The following CACNA1B variants were observed in gnomAD, a reference collection of about 807,000 sequenced individuals.
The protein encoded by CACNA1B is calcium voltage-gated channel subunit alpha1 B.
A neutral mutation model predicts 247.2 loss-of-function variants in CACNA1B; 70 were observed. That is an observed-to-expected ratio of 0.28 (90% CI 0.23 to 0.35). The LOEUF (loss-of-function observed/expected upper bound fraction) is 0.35, where lower values mean the gene tolerates loss of function less well. Among genes scored for constraint, CACNA1B ranks in the 10% least tolerant of loss-of-function variants. CACNA1B has a pLI of 1.00. For missense variants in CACNA1B, 2,367 were observed against 3,197.4 expected (o/e 0.74, Z 6.26); for synonymous variants, 1,231 against 1,294.4 (o/e 0.95, Z 1.05).
chr9:138,058,076 C>T lies in CACNA1B; in HGVS notation c.4134C>T (p.Thr1378=), dbSNP rs2133503692. The T allele has an allele frequency of 6.2e-7, 1 of 1,613,932 alleles. No individual in the cohort carries two copies. The highest frequency in any genetic ancestry group is 8.5e-7 in the Non-Finnish European group (1 of 1,179,782). The change falls in exon 28 of 47, where the codon ACC becomes ACT. Residue 1378 remains threonine (T), a synonymous_variant. Transcript: ENST00000371372. This position sits in a 1 kb window ranked among gnomAD's most constrained non-coding sequence, Gnocchi z 4.7. The part of the protein sequence containing the change: ...PMVLKHSVDA[T]YEEQGPSPGY... ...TGCTGAAACACTCCGTGGATGCCAC[C>T]TATGAGGAGCAGGGTCCAAGCCCTG...
intron 15 of CACNA1B, among the ~76,000 whole-genome samples, chr9:138,005,501 C>T (rs1307619768): frequency 6.6e-6 from 1 of 152,126 alleles, no homozygotes; most frequent in Non-Finnish European, 1.5e-5. Flanking sequence ...TTAAGGGGTA[C>T]AAACACAGTT....
intron 6 of CACNA1B, among the ~76,000 whole-genome samples, chr9:137,927,216 G>C (rs1957561037): frequency 6.7e-6 from 1 of 150,152 alleles, no homozygotes; most frequent in Admixed American, 6.7e-5. Flanking sequence ...TTTGTATATG[G>C]TGTTAGATAA....
At chr9:137,904,831 T>C (rs1464186591) in intron 3 of CACNA1B, among the ~76,000 whole-genome samples, 1 of 152,194 alleles carries the variant, frequency 6.6e-6, no homozygotes, top group African/African-American at 2.4e-5. Context: ...CCTTATTTCC[T>C]ATTCATGTCC....
At position 137,888,316 on chromosome 9, in the gene CACNA1B, C is replaced by T. The variant is rs7037990; in HGVS notation, c.530+5433C>T. Among the ~76,000 whole-genome samples, 28 of 152,014 alleles carry T rather than the reference C, an allele frequency of 1.8e-4. No individual in the cohort carries two copies. The highest frequency in any genetic ancestry group is 4.8e-4 in the African/African-American group (20 of 41,502). ...CCCCAGCCAGTCTCACGTGCATCCACGCTCCCAGTCCTGTCCCCACGTCAC... is the reference window on the plus strand; with the variant it reads ...CCCCAGCCAGTCTCACGTGCATCCATGCTCCCAGTCCTGTCCCCACGTCAC... On this transcript the variant is annotated intron_variant, in intron 3 of 46. Coordinates refer to ENST00000371372, the MANE Select transcript of CACNA1B (RefSeq NM_000718.4). This position sits in a 1 kb window ranked among gnomAD's most constrained non-coding sequence, Gnocchi z 4.7.
intron 6 of CACNA1B, among the ~76,000 whole-genome samples, chr9:137,933,545 T>C (rs1214599458): frequency 6.6e-6 from 1 of 152,226 alleles, no homozygotes; most frequent in Non-Finnish European, 1.5e-5. Flanking sequence ...TTGTAACCCT[T>C]GTCATTTCCA....
At position 138,075,815 on chromosome 9, in the gene CACNA1B, G is replaced by A. The variant is rs150383253; in HGVS notation, c.4858-4G>A. 5.1e-4 allele frequency: 815 copies of A among 1,597,910 alleles called. 12 individuals carry two copies. The East Asian group carries it at 0.018, about 35-fold the overall frequency. On this transcript the variant is annotated splice_region_variant and splice_polypyrimidine_tract_variant and intron_variant, in intron 34 of 46. Coordinates refer to ENST00000371372, the MANE Select transcript of CACNA1B (RefSeq NM_000718.4). ...GTCCGTGCCATTGCTCTTCTCCATTGCAGGTGTTTGGGAATATTGCCCTGG... is the reference window on the plus strand; with the variant it reads ...GTCCGTGCCATTGCTCTTCTCCATTACAGGTGTTTGGGAATATTGCCCTGG...
chr9:138,105,926 G>A (rs1200483158), intron 39 of CACNA1B, 119 bp downstream of exon 39: 2 of 652,284 alleles, frequency 3.1e-6, no homozygotes, highest in Non-Finnish European at 5.5e-6. Context: ...TGTCTGGAGG[G>A]GTCTGAGGAC....
intron 6 of CACNA1B, among the ~76,000 whole-genome samples, chr9:137,929,841 A>G (rs912707252): frequency 4.0e-5 from 6 of 151,898 alleles, no homozygotes; most frequent in African/African-American, 1.2e-4. Flanking sequence ...TTTTGTAGAG[A>G]TGAGGTCTTC....
rs907954672 is a variant in CACNA1B at position 137,899,757 on chromosome 9, T to C, written c.531-13423T>C. On this transcript the variant is annotated intron_variant, in intron 3 of 46. Coordinates refer to ENST00000371372, the MANE Select transcript of CACNA1B (RefSeq NM_000718.4). This position sits in a 1 kb window ranked among gnomAD's most constrained non-coding sequence, Gnocchi z 5.0. ...GCCTCCCCTGCCAGCTTGGCTCCCA[T>C]GTAGAACCAGCCTGAGAGTAGTAAG... Among the ~76,000 whole-genome samples, 2 of 152,120 alleles carry C rather than the reference T, an allele frequency of 1.3e-5. No homozygotes were observed. The highest frequency in any genetic ancestry group is 6.5e-5 in the Admixed American group (1 of 15,282).
At chr9:138,093,333 G>A (rs1373152967) in intron 36 of CACNA1B, among the ~76,000 whole-genome samples, 6 of 142,520 alleles carry the variant, frequency 4.2e-5, no homozygotes, top group East Asian at 2.2e-4. Flanking sequence ...CATGAGAATC[G>A]CTTGAACCCA....
chr9:138,019,888 A>C (rs1958821846), intron 18 of CACNA1B, among the ~76,000 whole-genome samples: 1 of 152,044 alleles, frequency 6.6e-6, no homozygotes, highest in African/African-American at 2.4e-5. Context: ...CCCTGAGCTC[A>C]GGAGTTCGAG....
chr9:137,996,877 A>G (rs1958507379), intron 15 of CACNA1B, among the ~76,000 whole-genome samples: 1 of 152,212 alleles, frequency 6.6e-6, no homozygotes, highest in Non-Finnish European at 1.5e-5. Context: ...AGAAAAATAC[A>G]GATCACTTCT....
At chr9:138,091,638 A>G (rs1487557216) in intron 36 of CACNA1B, among the ~76,000 whole-genome samples, 1 of 152,234 alleles carries the variant, frequency 6.6e-6, no homozygotes, top group Non-Finnish European at 1.5e-5. Flanking sequence ...ATTTGTATAC[A>G]TGTATCAAAA....
Position 138,068,922 on chromosome 9 carries a change from C to T in CACNA1B, c.4669-836C>T, listed in dbSNP as rs188034752. ...CAGGCAGCCAGACTGACCCACACTC[C>T]GTCCCTCAGCTGCGAGACAGTCGAG... On this transcript the variant is annotated intron_variant, in intron 31 of 46. Coordinates refer to ENST00000371372, the MANE Select transcript of CACNA1B (RefSeq NM_000718.4). Among the ~76,000 whole-genome samples the T allele has an allele frequency of 3.7e-4, 56 of 152,342 alleles. No individual in the cohort carries two copies. The Middle Eastern group carries it at 0.014, about 37-fold the overall frequency.
chr9:138,098,694 G>A (rs1314111754), intron 37 of CACNA1B, among the ~76,000 whole-genome samples: 2 of 152,166 alleles, frequency 1.3e-5, no homozygotes, highest in African/African-American at 4.8e-5. Flanking sequence ...CAGAGCAGGG[G>A]TCCTTAGAAG....
chr9:137,958,697 T>C (rs1957977328), intron 10 of CACNA1B, among the ~76,000 whole-genome samples: 1 of 152,206 alleles, frequency 6.6e-6, no homozygotes, highest in African/African-American at 2.4e-5. Context: ...GAGCAGGTGC[T>C]GAGGGTAAGG....
chr9:138,049,271 G>T lies in CACNA1B; in HGVS notation c.3666G>T (p.Leu1222=). Residue 1222 remains leucine, a synonymous_variant, in exon 24 of 47, where the codon CTG becomes CTT. Coordinates refer to ENST00000371372, the MANE Select transcript of CACNA1B (RefSeq NM_000718.4). The stretch of plus-strand genomic sequence containing the variant: ...ATTTCCGGGACTTGTGGAACATTCT[G>T]GACTTCATTGTGGTCAGTGGCGCCC... ...GAYFRDLWNI[L]DFIVVSGALV... 6.2e-7 allele frequency: 1 copy of T among 1,613,696 alleles called. No homozygotes were observed. The highest frequency in any genetic ancestry group is 1.3e-5 in the African/African-American group (1 of 75,054).
Position 138,059,375 on chromosome 9 carries a change from C to A in CACNA1B, c.4584+186C>A, listed in dbSNP as rs977392219. 2.0e-5 allele frequency among the ~76,000 whole-genome samples: 3 copies of A among 152,158 alleles called. No homozygotes were observed. The highest frequency in any genetic ancestry group is 2.0e-4 in the Admixed American group (3 of 15,288). On this transcript the variant is annotated intron_variant, in intron 30 of 46. Transcript: ENST00000371372. The surrounding 1 kb of genome is among the most constrained non-coding windows in gnomAD (Gnocchi z 4.2). ...CTCTTGGCTACATAAGCTCTGCCCC[C>A]AGCCTAGGTCCTGGGAGGGAGGCAG...
At chr9:138,056,995 G>T (rs1179343651) in intron 26 of CACNA1B, among the ~76,000 whole-genome samples, 1 of 143,086 alleles carries the variant, frequency 7.0e-6, no homozygotes, top group Non-Finnish European at 1.5e-5. Flanking sequence ...GAGTGCAGTG[G>T]CGCGATCTCG....
Sources: allele counts gnomAD v4.1 joint callset (sites outside exome capture counted in the v4.1 genomes callset), GRCh38; gene constraint gnomAD v4.1.1; non-coding constraint Gnocchi (gnomAD v3.1); transcripts MANE v1.5; gene names NCBI Gene and HGNC (gene_info 2026-07-23, HGNC 2026-07-21).